The following GRIP1 variants were observed in gnomAD, a reference collection of about 807,000 sequenced individuals.
The protein encoded by GRIP1 is glutamate receptor interacting protein 1, also known as glutamate receptor-interacting protein 1.
In GRIP1, 45 loss-of-function variants were observed where a neutral mutation model predicts 129.9. That is an observed-to-expected ratio of 0.35 (90% confidence interval 0.27 to 0.44). The LOEUF (loss-of-function observed/expected upper bound fraction) is 0.44, where lower values mean the gene tolerates loss of function less well. GRIP1 is among the 20% of genes least tolerant of loss of function. GRIP1 has a pLI of 1.00. For synonymous variants in GRIP1, 530 were observed against 520.8 expected, an observed-to-expected ratio of 1.02 and a Z score of -0.24; for missense variants, 1,196 against 1,396.8, an observed-to-expected ratio of 0.86 and a Z score of 2.29.
chr12:66,557,045 A>AT (rs1386031796), intron 2 of GRIP1, among the ~76,000 whole-genome samples: 3 of 151,286 alleles, frequency 2.0e-5, no homozygotes, highest in Non-Finnish European at 2.9e-5. Flanking sequence ...GGCTGAATGG[A>AT]TAAAAAAAAA....
intron 2 of GRIP1, among the ~76,000 whole-genome samples, chr12:66,547,831 T>C (rs1312301636): frequency 6.6e-6 from 1 of 152,202 alleles, no homozygotes; most frequent in Admixed American, 6.5e-5. Flanking sequence ...GATGGATATG[T>C]TCTGTATCTT....
At chr12:66,540,606 A>G (rs1002886926) in intron 3 of GRIP1, among the ~76,000 whole-genome samples, 2 of 152,182 alleles carry the variant, frequency 1.3e-5, no homozygotes, top group African/African-American at 4.8e-5. Context: ...CATGGAGGCA[A>G]TCCACTGGAT....
chr12:66,595,716 A>G (rs79512591), intron 2 of GRIP1, among the ~76,000 whole-genome samples: 3 of 152,202 alleles, frequency 2.0e-5, no homozygotes, highest in African/African-American at 7.2e-5. Context: ...GTAGAATTCA[A>G]ATTGCTTTAG....
chr12:66,976,703 C>T (rs1327708578), intron 1 of GRIP1, among the ~76,000 whole-genome samples: 1 of 152,164 alleles, frequency 6.6e-6, no homozygotes, highest in Non-Finnish European at 1.5e-5. Context: ...GTCCATTCAA[C>T]CAACAATTGA....
chr12:66,642,507 G>A (rs1286150232), intron 1 of GRIP1, among the ~76,000 whole-genome samples: 2 of 151,970 alleles, frequency 1.3e-5, no homozygotes, highest in Non-Finnish European at 2.9e-5. Context: ...TTAAAGAGTC[G>A]GAGCCTTATC....
At chr12:66,472,749 G>A (rs1565776352) in intron 7 of GRIP1, among the ~76,000 whole-genome samples, 1 of 152,108 alleles carries the variant, frequency 6.6e-6, no homozygotes. Context: ...CCTTGCCAAG[G>A]GAAGCCATGA....
upstream of GRIP1, among the ~76,000 whole-genome samples, chr12:66,682,424 A>G (rs2034621915): frequency 1.3e-5 from 2 of 152,154 alleles, no homozygotes; most frequent in Admixed American, 1.3e-4. Flanking sequence ...AATATTTGGA[A>G]TATCACCTCC....
chr12:67,015,627 T>C (rs916135481), intron 1 of GRIP1, among the ~76,000 whole-genome samples: 10 of 152,042 alleles, frequency 6.6e-5, no homozygotes, highest in Admixed American at 5.9e-4. Context: ...ATGATTCGAA[T>C]AGAGCATCAA....
intron 1 of GRIP1, among the ~76,000 whole-genome samples, chr12:66,647,910 T>C (rs2032496018): frequency 6.6e-6 from 1 of 152,200 alleles, no homozygotes; most frequent in South Asian, 2.1e-4. Flanking sequence ...CTCCCTAACA[T>C]ATGATTCCTT....
At chr12:67,030,874 G>A (rs1252295) in intron 1 of GRIP1, among the ~76,000 whole-genome samples, 69,554 of 151,880 alleles carry the variant, frequency 0.46, 18,500 homozygotes, top group East Asian at 0.77. Flanking sequence ...AACAAAGTTA[G>A]TTAGAAGCCT....
intron 1 of GRIP1, among the ~76,000 whole-genome samples, chr12:66,930,941 C>G (rs2137404629): frequency 6.6e-6 from 1 of 152,212 alleles, no homozygotes; most frequent in African/African-American, 2.4e-5. Context: ...GGATTCTAGT[C>G]TAATTTAGAG....
chr12:66,451,383 G>GGT (rs1565751885), intron 11 of GRIP1, among the ~76,000 whole-genome samples: 2 of 42,650 alleles, frequency 4.7e-5, no homozygotes, highest in East Asian at 6.6e-4. Context: ...ATTATAATCT[G>GGT]TTTTTTTTTT....
chr12:66,842,850 T>C (rs750655428), intron 1 of GRIP1, among the ~76,000 whole-genome samples: 4 of 152,164 alleles, frequency 2.6e-5, no homozygotes, highest in Non-Finnish European at 5.9e-5. Flanking sequence ...GGTGTGTCTC[T>C]GGAAACTGAA....
At chr12:66,924,154 G>A (rs975114208) in intron 1 of GRIP1, among the ~76,000 whole-genome samples, 1 of 152,006 alleles carries the variant, frequency 6.6e-6, no homozygotes, top group South Asian at 2.1e-4. Flanking sequence ...CAATTTTTTG[G>A]CATATTTTAA....
chr12:66,423,924 C>T (rs575691552), intron 14 of GRIP1, among the ~76,000 whole-genome samples: 8 of 152,250 alleles, frequency 5.3e-5, no homozygotes, highest in East Asian at 3.9e-4. Flanking sequence ...CTGAACTGGT[C>T]GAACACACAA....
chr12:66,471,601 T>A (rs971268796), intron 7 of GRIP1, among the ~76,000 whole-genome samples: 8 of 152,170 alleles, frequency 5.3e-5, no homozygotes, highest in Admixed American at 3.9e-4. Flanking sequence ...AAAGGAAACA[T>A]AATCAATTAT....
At chr12:66,683,612 C>T (rs950910662), upstream of GRIP1, among the ~76,000 whole-genome samples, 29 of 152,104 alleles carry the variant, frequency 1.9e-4, no homozygotes, top group African/African-American at 5.6e-4. Flanking sequence ...TAGCTCAGGG[C>T]CTCTGGTGTG....
chr12:66,549,199 G>A (rs551833172), intron 2 of GRIP1, among the ~76,000 whole-genome samples: 2 of 152,220 alleles, frequency 1.3e-5, no homozygotes, highest in Non-Finnish European at 2.9e-5. Flanking sequence ...GGTAACTGCT[G>A]GATGAACGAG....
At chr12:66,408,068 C>T (rs867613739) in intron 15 of GRIP1, among the ~76,000 whole-genome samples, 7 of 152,152 alleles carry the variant, frequency 4.6e-5, no homozygotes, top group Non-Finnish European at 5.9e-5. Flanking sequence ...GTCTTTGCCC[C>T]GGGATAACAT....
Sources: gnomAD v4.1 joint callset for allele counts (sites outside exome capture counted in the v4.1 genomes callset) on GRCh38, gnomAD v4.1.1 for gene constraint, MANE v1.5 for transcripts, NCBI Gene and HGNC (gene_info 2026-07-23, HGNC 2026-07-21) for gene names.